Variants in G3BP2 observed in about 807,000 individuals in gnomAD.
The protein encoded by G3BP2 is G3BP stress granule assembly factor 2, also known as ras GTPase-activating protein-binding protein 2.
In G3BP2, 11 loss-of-function variants were observed where a neutral mutation model predicts 56.7. The ratio of observed to expected loss-of-function variants is 0.19; its 90% confidence interval spans 0.12 to 0.32. The LOEUF (loss-of-function observed/expected upper bound fraction) is 0.32, where lower values mean the gene tolerates loss of function less well. Ranked by LOEUF, G3BP2 falls within the 10% of genes least tolerant of loss-of-function variation. The probability of loss-of-function intolerance (pLI) is 1.00; values close to 1 mark genes in which losing one functional copy is unlikely to be tolerated. For missense variants in G3BP2, 340 were observed against 610.9 expected, an observed-to-expected ratio of 0.56 and a Z score of 4.67; for synonymous variants, 165 against 191.6, an observed-to-expected ratio of 0.86 and a Z score of 1.15.
rs1364734465 is a variant in G3BP2, at chr4:75,673,189, T to G, written c.-25+19A>C. 2 of 1,195,152 alleles carry G rather than the reference T, an allele frequency of 1.7e-6. No homozygotes were observed. The highest frequency in any genetic ancestry group is 2.1e-6 in the Non-Finnish European group (2 of 964,778). 74.0% of individuals were successfully genotyped at this position (1,195,152 alleles called of 1,614,324 possible). A position where few individuals can be genotyped will look rare whatever the true frequency, so the allele number is the denominator to read the frequency against. ...TTCCGACCACCACACCGACCTCCCC[T>G]CCCGGCGCCCGTACACACCTCCAGC... On this transcript the variant is annotated intron_variant, in intron 1 of 11. Coordinates refer to ENST00000359707, the MANE Select transcript of G3BP2 (RefSeq NM_203505.3).
At chr4:75,719,551 T>C (rs762070583) in intron 3 of G3BP2, among the ~76,000 whole-genome samples, 2 of 152,044 alleles carry the variant, frequency 1.3e-5, no homozygotes, top group African/African-American at 2.4e-5. Context: ...CTGGGCTCTA[T>C]AGCATGTGAG....
chr4:75,648,357 C>A (rs141118765), intron 9 of G3BP2, among the ~76,000 whole-genome samples: 4,546 of 17,420 alleles, frequency 0.26, 152 homozygotes, highest in Middle Eastern at 0.36. Context: ...AAAAAAAAAA[C>A]AAACAAACAA....
upstream of G3BP2, among the ~76,000 whole-genome samples, chr4:75,674,712 ATATATAT>A (rs1198884794): frequency 8.0e-5 from 4 of 50,006 alleles, no homozygotes; most frequent in African/African-American, 1.3e-4. Context: ...ATATATATAT[ATATATAT>A]TTTTTTTTTT....
chr4:75,683,513 G>A (rs892847550), intron 3 of G3BP2, among the ~76,000 whole-genome samples: 2 of 151,832 alleles, frequency 1.3e-5, no homozygotes, highest in Non-Finnish European at 2.9e-5. Context: ...GCAGTGAGCC[G>A]AGATTGTGCC....
chr4:75,676,336 ATTTT>A (rs34017434), upstream of G3BP2, among the ~76,000 whole-genome samples: 62 of 92,080 alleles, frequency 6.7e-4, no homozygotes, highest in African/African-American at 2.5e-3. Context: ...ATTGCCAATA[ATTTT>A]TTTTTTTTTT....
At chr4:75,649,628 C>T (rs1374921132) in intron 8 of G3BP2, among the ~76,000 whole-genome samples, 1 of 152,114 alleles carries the variant, frequency 6.6e-6, no homozygotes, top group African/African-American at 2.4e-5. Context: ...ATTTATGGTC[C>T]AAGGAGAGAC....
Position 75,648,696 on chromosome 4 carries a change from C to T in G3BP2, c.871G>A (p.Val291Met), listed in dbSNP as rs749427347. 6.2e-7 allele frequency: 1 copy of T among 1,610,258 alleles called. No individual in the cohort carries two copies. Among genetic ancestry groups the T allele is most frequent in the Non-Finnish European group, 8.5e-7 (1 of 1,176,998 alleles). The change falls in exon 9 of 12, where the codon GTG becomes ATG. Residue 291 changes from valine to methionine, a missense_variant. Coordinates refer to ENST00000359707, the MANE Select transcript of G3BP2 (RefSeq NM_203505.3). ...KPEVQSQPPR[V>M]REQRPRERPG... Reference sequence around the variant, plus strand: ...CGTTCTCTAGGTCGTTGTTCACGCACACGAGGTGGCTGAGATTGAACTTCT... The same window carrying T: ...CGTTCTCTAGGTCGTTGTTCACGCATACGAGGTGGCTGAGATTGAACTTCT...
chr4:75,718,378 G>A (rs949293528), intron 3 of G3BP2, among the ~76,000 whole-genome samples: 12 of 151,876 alleles, frequency 7.9e-5, no homozygotes, highest in Admixed American at 6.6e-4. Flanking sequence ...GTCAAATTAC[G>A]TTTATTAAAT....
intron 8 of G3BP2, among the ~76,000 whole-genome samples, chr4:75,653,068 T>C (rs1434590747): frequency 2.0e-5 from 3 of 148,952 alleles, no homozygotes; most frequent in Non-Finnish European, 4.5e-5. Flanking sequence ...CCATCTTACA[T>C]AAGGGTAACC....
chr4:75,677,720 T>C (rs1274658014), upstream of G3BP2, among the ~76,000 whole-genome samples: 4 of 152,210 alleles, frequency 2.6e-5, no homozygotes, highest in East Asian at 7.7e-4. Context: ...GAAAGTGTCT[T>C]TACTCACCAT....
At chr4:75,716,324 G>A (rs1719924253) in intron 3 of G3BP2, among the ~76,000 whole-genome samples, 1 of 151,092 alleles carries the variant, frequency 6.6e-6, no homozygotes, top group South Asian at 2.1e-4. Flanking sequence ...CACGTGCCAT[G>A]ATGCCCAGCC....
upstream of G3BP2, among the ~76,000 whole-genome samples, chr4:75,675,512 G>C (rs1357136515): frequency 6.6e-6 from 1 of 152,200 alleles, no homozygotes; most frequent in East Asian, 1.9e-4. Context: ...ACTGATATAG[G>C]CCGGGCGCGG....
chr4:75,655,976 T>G, intron 5 of G3BP2, 106 bp from the exon 6 acceptor site: 1 of 645,980 alleles, frequency 1.5e-6, no homozygotes. Context: ...AAAAAGAAAA[T>G]TTGACAATTT....
chr4:75,674,968 C>T (rs1215814596), upstream of G3BP2, among the ~76,000 whole-genome samples: 1 of 151,900 alleles, frequency 6.6e-6, no homozygotes, highest in Non-Finnish European at 1.5e-5. Context: ...CGTGATCCGC[C>T]CGCCTTGGCC....
At chr4:75,663,253 C>T (rs1224352402) in intron 1 of G3BP2, among the ~76,000 whole-genome samples, 1 of 152,010 alleles carries the variant, frequency 6.6e-6, no homozygotes, top group African/African-American at 2.4e-5. Context: ...GAAATAAATA[C>T]AATTTCCTAT....
chr4:75,667,845 C>A (rs1297569095), intron 1 of G3BP2, among the ~76,000 whole-genome samples: 1 of 152,162 alleles, frequency 6.6e-6, no homozygotes, highest in East Asian at 1.9e-4. Flanking sequence ...GCTGAGATCA[C>A]ACCCTTGCAC....
At chr4:75,719,739 A>C (rs1215702987) in intron 3 of G3BP2, among the ~76,000 whole-genome samples, 2 of 151,806 alleles carry the variant, frequency 1.3e-5, no homozygotes, top group East Asian at 2.0e-4. Context: ...ACAGGCATGC[A>C]CCACCACGCT....
intron 2 of G3BP2, chr4:75,661,680 TATAAGA>T (rs1332962486): frequency 9.7e-6 from 3 of 308,226 alleles, no homozygotes; most frequent in Non-Finnish European, 1.2e-5. Context: ...CTAGAGTACA[TATAAGA>T]ATAAGCGTGT....
At chr4:75,686,309 G>T (rs1330348963) in intron 3 of G3BP2, among the ~76,000 whole-genome samples, 1 of 152,056 alleles carries the variant, frequency 6.6e-6, no homozygotes, top group Non-Finnish European at 1.5e-5. Context: ...TATGCTAATG[G>T]AAGAGACACA....
Sources: gnomAD v4.1 joint callset for allele counts (sites outside exome capture counted in the v4.1 genomes callset) on GRCh38, gnomAD v4.1.1 for gene constraint, MANE v1.5 for transcripts, NCBI Gene and HGNC (gene_info 2026-07-23, HGNC 2026-07-21) for gene names.